LRRC49: variants seen among roughly 807,000 people sequenced by gnomAD.
The protein encoded by LRRC49 is leucine rich repeat containing 49, also known as leucine-rich repeat-containing protein 49.
In LRRC49, 50 loss-of-function variants were observed where a neutral mutation model predicts 83.3. The ratio of observed to expected loss-of-function variants is 0.60; its 90% CI spans 0.48 to 0.76. LRRC49 has a LOEUF of 0.76. Among genes scored for constraint, LRRC49 ranks in the 30% least tolerant of loss-of-function variants. The pLI, the probability that LRRC49 is intolerant of heterozygous loss-of-function variation, is 0.00. For synonymous variants in LRRC49, 286 were observed against 283.3 expected, an observed-to-expected ratio of 1.01 and a Z score of -0.10; for missense variants, 704 against 809.1, an observed-to-expected ratio of 0.87 and a Z score of 1.58.
chr15:71,048,452 C>G (rs1490553553), intron 15 of LRRC49, among the ~76,000 whole-genome samples: 1 of 152,026 alleles, frequency 6.6e-6, no homozygotes, highest in Non-Finnish European at 1.5e-5. Flanking sequence ...GGTGTTTTGA[C>G]TTGAGTTGGA....
rs947602645 is a variant in LRRC49, at chr15:71,049,503, A to G, written c.1952A>G (p.Lys651Arg). ...EINMKNEALQ[K>R]LWPQMFIELV... ...AACATGAAAAATGAGGCTTTGCAGA[A>G]GCTTTGGCCACAGATGTTCATTGAG... Residue 651 changes from lysine to arginine, a missense_variant, in exon 16 of 16, where the codon AAG (lysine) becomes AGG (arginine). Coordinates refer to ENST00000260382, the MANE Select transcript of LRRC49 (RefSeq NM_017691.5). The G allele has an allele frequency of 1.7e-5, 27 of 1,613,706 alleles. No homozygotes were observed. Among genetic ancestry groups the G allele is most frequent in the Non-Finnish European group, 2.3e-5 (27 of 1,179,712 alleles).
At chr15:71,010,703 G>A (rs2038622615) in intron 13 of LRRC49, among the ~76,000 whole-genome samples, 2 of 151,762 alleles carry the variant, frequency 1.3e-5, no homozygotes, top group Non-Finnish European at 1.5e-5. Context: ...TTGTCACAAG[G>A]TAATCCCCCA....
chr15:70,932,546 C>T (rs1009902975), intron 7 of LRRC49, among the ~76,000 whole-genome samples: 39 of 152,106 alleles, frequency 2.6e-4, no homozygotes, highest in African/African-American at 8.9e-4. Context: ...TTATTATAGA[C>T]ATCTTTGCCC....
intron 2 of LRRC49, among the ~76,000 whole-genome samples, chr15:70,884,188 A>G (rs1432941417): frequency 1.3e-5 from 2 of 152,128 alleles, no homozygotes; most frequent in Non-Finnish European, 2.9e-5. Context: ...CCACTGAAAA[A>G]ATATTTTAGT....
At chr15:70,979,143 T>TC (rs2037311104) in intron 9 of LRRC49, among the ~76,000 whole-genome samples, 1 of 152,108 alleles carries the variant, frequency 6.6e-6, no homozygotes, top group South Asian at 2.1e-4. Context: ...CTGACAGTCT[T>TC]CGGGGGAAAA....
chr15:70,869,616 C>T (rs1037538156), intron 1 of LRRC49, among the ~76,000 whole-genome samples: 1 of 152,124 alleles, frequency 6.6e-6, no homozygotes, highest in Non-Finnish European at 1.5e-5. Flanking sequence ...GCTTTATCAG[C>T]GATTACTGTC....
intron 11 of LRRC49, among the ~76,000 whole-genome samples, chr15:70,999,888 C>G (rs2038201873): frequency 6.6e-6 from 1 of 152,190 alleles, no homozygotes; most frequent in African/African-American, 2.4e-5. Flanking sequence ...GCCACCTCAG[C>G]CCTAGGGAAG....
Position 71,037,210 on chromosome 15 carries a change from A to G in LRRC49, c.1735A>G (p.Lys579Glu), listed in dbSNP as rs747363744. The G allele has an allele frequency of 2.0e-5, 33 of 1,610,034 alleles. No homozygotes were observed. Among genetic ancestry groups the G allele is most frequent in the Non-Finnish European group, 2.7e-5 (32 of 1,178,180 alleles). Reference protein sequence around the residue: ...KKQFRYLLESKGKKPGIINEE... With the variant: ...KKQFRYLLESEGKKPGIINEE... ...GCAATTTCGGTATCTACTAGAATCC[A>G]AAGGAAAAAAACCTGGTATTATCAA... Residue 579 changes from lysine to glutamate, a missense_variant, in exon 15 of 16, where the codon AAA (lysine) becomes GAA (glutamate). Around this residue, in one of 3 missense-constraint regions of LRRC49, gnomAD observed 275 missense variants for 338.0 expected, o/e 0.81. Transcript: ENST00000260382.
chr15:70,976,326 T>C (rs1257581915), intron 9 of LRRC49, among the ~76,000 whole-genome samples: 8 of 152,236 alleles, frequency 5.3e-5, no homozygotes, highest in Admixed American at 5.2e-4. Flanking sequence ...TAAAAATTAT[T>C]GACCACCTCT....
In LRRC49 at chr15:71,031,960, C is replaced by T. The variant is rs377190503; in HGVS notation, c.1704-5219C>T. On this transcript the variant is annotated intron_variant, in intron 14 of 15. Coordinates refer to ENST00000260382, the MANE Select transcript of LRRC49 (RefSeq NM_017691.5). ...GGGAGTGGGACCCACTGAGTGAGAC[C>T]ACTTGGCTTCCTGGCTTCAGACCGC... Among the ~76,000 whole-genome samples, 4 of 152,242 alleles carry T rather than the reference C, an allele frequency of 2.6e-5. No homozygotes were observed. The East Asian group carries it at 7.7e-4, about 29-fold the overall frequency.
At chr15:70,943,420 G>A (rs1279726273) in intron 8 of LRRC49, among the ~76,000 whole-genome samples, 3 of 152,140 alleles carry the variant, frequency 2.0e-5, no homozygotes, top group Non-Finnish European at 2.9e-5. Context: ...ATTACACTTG[G>A]AAGAGGGCCA....
In LRRC49 at chr15:70,882,343, T is replaced by TA. The variant is rs2033283342; in HGVS notation, c.18+9121dup. On this transcript the variant is annotated intron_variant, in intron 2 of 16. Transcript: ENST00000544974. ...CTTAGAGCTAAACAAATTATGCTGA[T>TA]ACTCAACTGTCAAATTATCTTGAAG... 5.0e-6 allele frequency: 5 copies of TA among 1,008,006 alleles called. No individual in the cohort carries two copies. In the South Asian group the frequency reaches 8.4e-5, roughly 17 times the overall value. 62.4% of individuals were successfully genotyped at this position (1,008,006 alleles called of 1,614,324 possible). A position where few individuals can be genotyped will look rare whatever the true frequency, so the allele number is the denominator to read the frequency against.
At chr15:70,863,881 G>A (rs2141071245) in intron 1 of LRRC49, among the ~76,000 whole-genome samples, 1 of 152,298 alleles carries the variant, frequency 6.6e-6, no homozygotes. Context: ...ATCTGAGGGT[G>A]CACATCACGA....
At chr15:70,899,161 T>G (rs2033963629) in intron 3 of LRRC49, among the ~76,000 whole-genome samples, 1 of 152,210 alleles carries the variant, frequency 6.6e-6, no homozygotes, top group Admixed American at 6.5e-5. Flanking sequence ...AATCTTTGGT[T>G]ATTGCCTCTG....
At chr15:70,918,772 C>A (rs1055688566) in intron 6 of LRRC49, 2 of 262,452 alleles carry the variant, frequency 7.6e-6, no homozygotes, top group South Asian at 1.3e-4. Flanking sequence ...AGACTGGGCA[C>A]GTAAAGTTGC....
In LRRC49 at chr15:71,030,312, A is replaced by C. The variant is rs151225439; in HGVS notation, c.1704-6867A>C. ...CTGGATATGAAATTCTGGGTTGAAA[A>C]TTCTTTTCTTTAAGAATGTTGAATA... On this transcript the variant is annotated intron_variant, in intron 14 of 15. Transcript: ENST00000260382. Among the ~76,000 whole-genome samples, 214 of 152,290 alleles carry C rather than the reference A, an allele frequency of 1.4e-3. 1 individual carries two copies. Among genetic ancestry groups the C allele is most frequent in the African/African-American group, 5.0e-3 (209 of 41,576 alleles).
intron 14 of LRRC49, among the ~76,000 whole-genome samples, chr15:71,025,977 A>G (rs905388199): frequency 3.9e-5 from 6 of 152,172 alleles, no homozygotes; most frequent in Non-Finnish European, 7.3e-5. Flanking sequence ...CAGAAAATTA[A>G]CAAGGATTTT....
chr15:70,868,731 A>G lies in LRRC49; in HGVS notation c.-298-4177A>G, dbSNP rs185218181. 6.6e-5 allele frequency among the ~76,000 whole-genome samples: 10 copies of G among 152,382 alleles called. No homozygotes were observed. In the East Asian group the frequency reaches 1.7e-3, roughly 26 times the overall value. On this transcript the variant is annotated intron_variant, in intron 1 of 16. Coordinates refer to the LRRC49 transcript ENST00000544974. ...GGTCACCCCAAATGTGGAATTGAATACAATATACAGGAGAGGCAAAAACTA... is the reference window on the plus strand; with the variant it reads ...GGTCACCCCAAATGTGGAATTGAATGCAATATACAGGAGAGGCAAAAACTA...
At chr15:70,875,299 G>A (rs1474682994) in intron 2 of LRRC49, among the ~76,000 whole-genome samples, 1 of 152,118 alleles carries the variant, frequency 6.6e-6, no homozygotes, top group Non-Finnish European at 1.5e-5. Flanking sequence ...AAAATGAGAG[G>A]CCACAAAAGA....
Sources: gnomAD v4.1 joint callset for allele counts (sites outside exome capture counted in the v4.1 genomes callset) on GRCh38, gnomAD v4.1.1 for gene constraint, gnomAD v4.1.1 regional missense constraint, MANE v1.5 for transcripts, NCBI Gene and HGNC (gene_info 2026-07-23, HGNC 2026-07-21) for gene names.